The following CORO1C variants were observed in gnomAD, a reference collection of about 807,000 sequenced individuals.
CORO1C encodes coronin-1C.
CORO1C carries 14 observed loss-of-function variants against 51.2 expected under a neutral mutation model. The observed-to-expected ratio is 0.27, with a 90% CI of 0.18 to 0.43. CORO1C has a LOEUF of 0.43. CORO1C is among the 20% of genes least tolerant of loss of function. The pLI is 1.00. For synonymous variants in CORO1C, 181 were observed against 210.5 expected (o/e 0.86, Z 1.21); for missense variants, 417 against 607.8 (o/e 0.69, Z 3.30).
chr12:108,716,406 G>A (rs1053600633), intron 1 of CORO1C, among the ~76,000 whole-genome samples: 1 of 152,038 alleles, frequency 6.6e-6, no homozygotes, highest in African/African-American at 2.4e-5. Context: ...ACTTCATAAG[G>A]CTAGTCACAG....
chr12:108,698,054 G>A (rs2034746009), intron 2 of CORO1C, among the ~76,000 whole-genome samples: 1 of 152,146 alleles, frequency 6.6e-6, no homozygotes, highest in Non-Finnish European at 1.5e-5. Context: ...GGTAGGAACA[G>A]CAACTTAGAA....
chr12:108,700,684 G>T (rs1439681414), intron 2 of CORO1C, among the ~76,000 whole-genome samples: 1 of 151,620 alleles, frequency 6.6e-6, no homozygotes, highest in Non-Finnish European at 1.5e-5. Context: ...AAGAAAAAGG[G>T]CTCATCCTTA....
At chr12:108,723,504 C>T (rs1189782090) in intron 1 of CORO1C, among the ~76,000 whole-genome samples, 1 of 152,248 alleles carries the variant, frequency 6.6e-6, no homozygotes, top group African/African-American at 2.4e-5. Flanking sequence ...TCTCCTAACA[C>T]TTCCTTTCCC....
intron 2 of CORO1C, among the ~76,000 whole-genome samples, chr12:108,683,998 AC>A (rs2034214116): frequency 6.6e-6 from 1 of 152,228 alleles, no homozygotes; most frequent in Admixed American, 6.5e-5. Flanking sequence ...ACAAACAGCA[AC>A]AAAAGCAAAC....
rs187782932 is a variant in CORO1C at position 108,680,533 on chromosome 12, T to C, written c.196-2139A>G. On this transcript the variant is annotated intron_variant, in intron 2 of 10. Transcript: ENST00000261401. ...AACCAGACTGCCCAGAGTGTAGTCATGGTTCTGCCATCTTCTAGCTGTGAA... is the reference window on the plus strand; with the variant it reads ...AACCAGACTGCCCAGAGTGTAGTCACGGTTCTGCCATCTTCTAGCTGTGAA... 1.8e-3 allele frequency among the ~76,000 whole-genome samples: 280 copies of C among 152,344 alleles called. 1 individual carries two copies. The highest frequency in any genetic ancestry group is 6.4e-3 in the African/African-American group (267 of 41,578).
intron 1 of CORO1C, 127 bp from the exon 2 acceptor site, chr12:108,701,450 A>G (rs1748996407): frequency 2.8e-6 from 4 of 1,444,956 alleles, no homozygotes; most frequent in Non-Finnish European, 3.7e-6. Context: ...CCTAAAAAGT[A>G]GCCAAATTGC....
rs185999722 is a variant in CORO1C at position 108,646,500 on chromosome 12, A to G, written c.*903T>C. 1 of 152,332 alleles carries G rather than the reference A, an allele frequency of 6.6e-6. No homozygotes were observed. The highest frequency in any genetic ancestry group is 1.9e-4 in the East Asian group (1 of 5,190). The allele number at this position is 152,332 out of a possible 1,614,324, so 9.4% of individuals were successfully genotyped here. A position where few individuals can be genotyped will look rare whatever the true frequency, so the allele number is the denominator to read the frequency against. ...TGTCAAGTATTGACCAAAACCTGAA[A>G]CATGATGTTTAAAGTGATGAATGCA... is the stretch of plus-strand genomic sequence containing the variant. On this transcript the variant is annotated 3_prime_UTR_variant, in exon 11 of 11. Transcript: ENST00000261401.
intron 1 of CORO1C, chr12:108,703,002 T>C: frequency 6.9e-6 from 10 of 1,448,862 alleles, no homozygotes; most frequent in Non-Finnish European, 9.1e-6. Flanking sequence ...GGGTCCTTCA[T>C]TTTGGAATCA....
At chr12:108,651,352 A>G (rs144627823) in intron 8 of CORO1C, among the ~76,000 whole-genome samples, 1 of 152,166 alleles carries the variant, frequency 6.6e-6, no homozygotes, top group African/African-American at 2.4e-5. Flanking sequence ...CTCAGAGGAT[A>G]TATTTGTTGA....
intron 1 of CORO1C, among the ~76,000 whole-genome samples, chr12:108,716,790 A>G (rs1226700241): frequency 6.6e-6 from 1 of 152,192 alleles, no homozygotes; most frequent in Non-Finnish European, 1.5e-5. Flanking sequence ...CTCACTGCAA[A>G]CCACATTACT....
intron 1 of CORO1C, among the ~76,000 whole-genome samples, chr12:108,715,065 A>G (rs2035289292): frequency 6.6e-6 from 1 of 152,000 alleles, no homozygotes; most frequent in Admixed American, 6.5e-5. Context: ...CCTGAAGACA[A>G]AAGATAAAAT....
intron 1 of CORO1C, among the ~76,000 whole-genome samples, chr12:108,716,717 T>C (rs1302347001): frequency 6.6e-6 from 1 of 152,104 alleles, no homozygotes; most frequent in Non-Finnish European, 1.5e-5. Context: ...CCTATCAGAG[T>C]CTACAGGAAA....
chr12:108,686,441 T>C (rs577485235), intron 2 of CORO1C, among the ~76,000 whole-genome samples: 6 of 152,338 alleles, frequency 3.9e-5, no homozygotes, highest in East Asian at 1.9e-4. Context: ...AGCTTAGAGA[T>C]AGAAAAACTT....
intron 6 of CORO1C, among the ~76,000 whole-genome samples, chr12:108,655,097 T>TATTC (rs57681690): frequency 0.59 from 89,782 of 151,552 alleles, 27,296 homozygotes; most frequent in East Asian, 0.99. Flanking sequence ...AATCATTCCA[T>TATTC]CAAAATCCTA....
At chr12:108,726,902 G>A (rs974615901) in intron 1 of CORO1C, among the ~76,000 whole-genome samples, 2 of 152,194 alleles carry the variant, frequency 1.3e-5, no homozygotes, top group African/African-American at 4.8e-5. Flanking sequence ...TTGGGGAAAT[G>A]TTTTAAACAC....
chr12:108,690,623 A>C (rs2136850268), intron 2 of CORO1C, among the ~76,000 whole-genome samples: 1 of 152,350 alleles, frequency 6.6e-6, no homozygotes, highest in East Asian at 1.9e-4. Flanking sequence ...TTGCCCAAAT[A>C]TGCGATAGCA....
chr12:108,674,503 G>A (rs1311353813), intron 3 of CORO1C, among the ~76,000 whole-genome samples: 1 of 149,364 alleles, frequency 6.7e-6, no homozygotes, highest in Non-Finnish European at 1.5e-5. Context: ...AGCCGAGATC[G>A]TACCACTGCG....
At chr12:108,715,242 A>G (rs141208210) in intron 1 of CORO1C, among the ~76,000 whole-genome samples, 372 of 150,110 alleles carry the variant, frequency 2.5e-3, no homozygotes, top group African/African-American at 8.2e-3. Flanking sequence ...TCTTAAAAAA[A>G]CAAAACAAAA....
intron 3 of CORO1C, among the ~76,000 whole-genome samples, chr12:108,674,264 G>C (rs777200000): frequency 2.0e-5 from 3 of 152,194 alleles, no homozygotes; most frequent in African/African-American, 7.2e-5. Flanking sequence ...TGGGCAAAGT[G>C]AATTAAAAAC....
Sources: allele counts gnomAD v4.1 joint callset (sites outside exome capture counted in the v4.1 genomes callset), GRCh38; gene constraint gnomAD v4.1.1; transcripts MANE v1.5; gene names NCBI Gene and HGNC (gene_info 2026-07-23, HGNC 2026-07-21).